The following CDK6 variants were observed in gnomAD, a reference collection of about 807,000 sequenced individuals.
The protein encoded by CDK6 is cyclin-dependent kinase 6.
In CDK6, 6 loss-of-function variants were observed where a neutral mutation model predicts 37.1. The observed-to-expected ratio is 0.16, with a 90% CI of 0.09 to 0.32. The LOEUF is 0.32. Ranked by LOEUF, CDK6 falls within the 10% of genes least tolerant of loss-of-function variation. CDK6 has a pLI of 1.00. For synonymous variants in CDK6, 160 were observed against 161.3 expected (o/e 0.99, Z 0.06); for missense variants, 224 against 418.9 (o/e 0.53, Z 4.06).
At chr7:92,812,292 G>T (rs1410582136) in intron 2 of CDK6, among the ~76,000 whole-genome samples, 1 of 152,200 alleles carries the variant, frequency 6.6e-6, no homozygotes, top group Non-Finnish European at 1.5e-5. Context: ...GGCAGAACTG[G>T]AATGTGAACC....
At chr7:92,745,957 T>C (rs1562953778) in intron 3 of CDK6, among the ~76,000 whole-genome samples, 1 of 152,236 alleles carries the variant, frequency 6.6e-6, no homozygotes, top group Admixed American at 6.5e-5. Flanking sequence ...GTTTGTTGTA[T>C]ATTCTTCCAG....
intron 2 of CDK6, among the ~76,000 whole-genome samples, chr7:92,813,975 A>G (rs757833296): frequency 9.2e-5 from 14 of 152,244 alleles, no homozygotes; most frequent in Non-Finnish European, 1.8e-4. Flanking sequence ...CGCAAGCTTC[A>G]ATTAAGCTTG....
At chr7:92,809,629 G>T (rs556940396) in intron 2 of CDK6, among the ~76,000 whole-genome samples, 5 of 152,168 alleles carry the variant, frequency 3.3e-5, no homozygotes, top group East Asian at 1.9e-4. Flanking sequence ...AGAGGTAAGG[G>T]TATATTTATT....
intron 3 of CDK6, among the ~76,000 whole-genome samples, chr7:92,735,396 T>C (rs923434766): frequency 1.3e-5 from 2 of 152,102 alleles, no homozygotes; most frequent in Non-Finnish European, 2.9e-5. Flanking sequence ...CAGTATCCAA[T>C]AGGTAGTTTT....
chr7:92,617,320 GGAGCTGCTGCCT>G, intron 7 of CDK6, among the ~76,000 whole-genome samples: 1 of 152,134 alleles, frequency 6.6e-6, no homozygotes, highest in African/African-American at 2.4e-5. Context: ...CATGCCCCAG[GGAGCTGCTGCCT>G]CTCTGGCATG....
At chr7:92,692,485 A>T (rs1797620022) in intron 4 of CDK6, among the ~76,000 whole-genome samples, 1 of 151,654 alleles carries the variant, frequency 6.6e-6, no homozygotes, top group East Asian at 2.0e-4. Flanking sequence ...ACCTATGAAG[A>T]GTATGAAAAT....
intron 5 of CDK6, among the ~76,000 whole-genome samples, chr7:92,628,551 C>T (rs186022714): frequency 1.3e-5 from 2 of 152,226 alleles, no homozygotes; most frequent in East Asian, 3.9e-4. Flanking sequence ...CTCCCCCCTG[C>T]AAGAAGGCTT....
At chr7:92,780,170 C>A (rs1799951053) in intron 2 of CDK6, among the ~76,000 whole-genome samples, 3 of 152,124 alleles carry the variant, frequency 2.0e-5, no homozygotes, top group Admixed American at 2.0e-4. Context: ...ATGGGTTTCA[C>A]CATGTTGGCC....
chr7:92,799,337 T>C (rs1250287544), intron 2 of CDK6, among the ~76,000 whole-genome samples: 1 of 152,142 alleles, frequency 6.6e-6, no homozygotes, highest in African/African-American at 2.4e-5. Context: ...GCACCTCAGA[T>C]ACCAGAATGA....
chr7:92,640,024 A>G (rs890207229), intron 5 of CDK6, among the ~76,000 whole-genome samples: 5 of 152,174 alleles, frequency 3.3e-5, no homozygotes, highest in African/African-American at 1.2e-4. Flanking sequence ...TCTCCTTAAT[A>G]ATATGTTTAA....
At chr7:92,789,063 C>T (rs1800216872) in intron 2 of CDK6, among the ~76,000 whole-genome samples, 2 of 152,050 alleles carry the variant, frequency 1.3e-5, no homozygotes, top group African/African-American at 4.8e-5. Flanking sequence ...AAGTTTGAGG[C>T]TACAGTGAAC....
chr7:92,785,586 G>A (rs1800110191), intron 2 of CDK6, among the ~76,000 whole-genome samples: 1 of 152,222 alleles, frequency 6.6e-6, no homozygotes, highest in African/African-American at 2.4e-5. Flanking sequence ...GACAGCAACA[G>A]TGGTAGAGAG....
At chr7:92,656,566 T>C (rs1796704707) in intron 5 of CDK6, among the ~76,000 whole-genome samples, 1 of 152,236 alleles carries the variant, frequency 6.6e-6, no homozygotes, top group African/African-American at 2.4e-5. Flanking sequence ...TATTATTGTC[T>C]AGTAAATTTG....
chr7:92,643,759 G>C (rs1429974497), intron 5 of CDK6, among the ~76,000 whole-genome samples: 1 of 152,156 alleles, frequency 6.6e-6, no homozygotes, highest in Non-Finnish European at 1.5e-5. Context: ...CCTTCACCCT[G>C]TTCAAAACAT....
At chr7:92,813,462 C>T (rs909063286) in intron 2 of CDK6, among the ~76,000 whole-genome samples, 1 of 152,184 alleles carries the variant, frequency 6.6e-6, no homozygotes, top group Non-Finnish European at 1.5e-5. Context: ...TGAAAACGTT[C>T]TCAGTCTAGA....
At chr7:92,714,495 T>A in intron 4 of CDK6, among the ~76,000 whole-genome samples, 1 of 151,682 alleles carries the variant, frequency 6.6e-6, no homozygotes, top group Non-Finnish European at 1.5e-5. Flanking sequence ...CAATGGGGAG[T>A]CACTGGGAAT....
intron 5 of CDK6, among the ~76,000 whole-genome samples, chr7:92,668,506 A>T (rs1797007725): frequency 6.6e-6 from 1 of 152,208 alleles, no homozygotes; most frequent in Non-Finnish European, 1.5e-5. Context: ...AAAGGACAAA[A>T]TTTGGTAACT....
rs558946677 is a variant in CDK6 at position 92,684,290 on chromosome 7, A to G, written c.538-12755T>C. 1.2e-3 allele frequency among the ~76,000 whole-genome samples: 184 copies of G among 152,356 alleles called. 1 individual carries two copies. Among genetic ancestry groups the G allele is most frequent in the African/African-American group, 4.3e-3 (177 of 41,580 alleles). ...TTCTTTTTTGGTCTTAAGCCTAATT[A>G]CAATAAAAAAGTTTGTATTTCCAGA... On this transcript the variant is annotated intron_variant, in intron 4 of 7. Coordinates refer to ENST00000424848, the MANE Select transcript of CDK6 (RefSeq NM_001145306.2).
At chr7:92,731,741 C>A (rs752781449) in intron 3 of CDK6, among the ~76,000 whole-genome samples, 6 of 151,070 alleles carry the variant, frequency 4.0e-5, no homozygotes, top group East Asian at 3.9e-4. Context: ...TCAGTCTCAA[C>A]TAACTGGAAA....
Sources: allele counts gnomAD v4.1 joint callset (sites outside exome capture counted in the v4.1 genomes callset), GRCh38; gene constraint gnomAD v4.1.1; transcripts MANE v1.5; gene names NCBI Gene and HGNC (gene_info 2026-07-23, HGNC 2026-07-21).